Variants in WDR5 observed in about 807,000 individuals in gnomAD.
The protein encoded by WDR5 is WD repeat-containing protein 5.
For synonymous variants in WDR5, 144 were observed against 161.6 expected (o/e 0.89, Z 0.83); for missense variants, 187 against 416.9 (o/e 0.45, Z 4.80).
intron 9 of WDR5, 37 bp downstream of exon 9, chr9:134,152,066 G>A: frequency 6.2e-7 from 1 of 1,609,336 alleles, no homozygotes; most frequent in Non-Finnish European, 8.5e-7. Context: ...GGTCTGTGGG[G>A]AGGGCCTCCC....
At chr9:134,152,059 C>G in intron 9 of WDR5, 30 bp downstream of exon 9, 2 of 1,611,386 alleles carry the variant, frequency 1.2e-6, no homozygotes, top group Non-Finnish European at 1.7e-6. Flanking sequence ...GGGGCTGGGT[C>G]TGTGGGGAGG....
intron 1 of WDR5, among the ~76,000 whole-genome samples, chr9:134,138,055 A>G (rs1424391261): frequency 1.3e-5 from 2 of 152,176 alleles, no homozygotes; most frequent in African/African-American, 2.4e-5. Flanking sequence ...ATATTCTTAA[A>G]AGTCAAGTTA....
At chr9:134,136,539 C>T (rs1434807926) in intron 1 of WDR5, among the ~76,000 whole-genome samples, 3 of 152,174 alleles carry the variant, frequency 2.0e-5, no homozygotes, top group Non-Finnish European at 4.4e-5. Flanking sequence ...CCCTCCACTG[C>T]CCCTTCAGGG....
chr9:134,142,773 T>G (rs545637075), intron 7 of WDR5, 54 bp downstream of exon 7: 1 of 1,576,658 alleles, frequency 6.3e-7, no homozygotes, highest in African/African-American at 1.3e-5. Flanking sequence ...TTCTCTGACA[T>G]CGGATGTGGC....
At chr9:134,153,290 G>A (rs575941910) in intron 9 of WDR5, among the ~76,000 whole-genome samples, 4 of 152,324 alleles carry the variant, frequency 2.6e-5, no homozygotes, top group African/African-American at 7.2e-5. Context: ...CAGGTGCAGG[G>A]ACTGGGATTC....
intron 7 of WDR5, among the ~76,000 whole-genome samples, chr9:134,144,199 C>G (rs994866247): frequency 6.6e-6 from 1 of 152,258 alleles, no homozygotes; most frequent in Non-Finnish European, 1.5e-5. Context: ...CCACAAGACC[C>G]TCGCGGGCCC....
At chr9:134,140,018 G>C (rs1831798230) in intron 2 of WDR5, 60 bp downstream of exon 2, 1 of 1,585,186 alleles carries the variant, frequency 6.3e-7, no homozygotes, top group Non-Finnish European at 8.7e-7. Flanking sequence ...GAGAGTCTCG[G>C]AAACATCTCA....
At chr9:134,146,490 T>G (rs1238707573) in intron 7 of WDR5, among the ~76,000 whole-genome samples, 1 of 152,156 alleles carries the variant, frequency 6.6e-6, no homozygotes, top group Non-Finnish European at 1.5e-5. Flanking sequence ...CCCACCTTGA[T>G]TTCCTAAAAT....
intron 11 of WDR5, 111 bp downstream of exon 11, chr9:134,155,484 T>C (rs1301054901): frequency 1.4e-6 from 2 of 1,442,592 alleles, no homozygotes; most frequent in Non-Finnish European, 1.9e-6. Context: ...CAGAGAGCCA[T>C]CTCCGCTGGG....
intron 8 of WDR5, among the ~76,000 whole-genome samples, chr9:134,150,331 G>A (rs1027672344): frequency 1.3e-5 from 2 of 152,216 alleles, no homozygotes; most frequent in Admixed American, 1.3e-4. Context: ...GATTAAAGGC[G>A]TTAAATGTCT....
chr9:134,154,591 G>A, intron 10 of WDR5, 50 bp downstream of exon 10: 4 of 1,592,274 alleles, frequency 2.5e-6, no homozygotes, highest in Non-Finnish European at 3.4e-6. Flanking sequence ...TCCCCAGCCA[G>A]AGACACCTGC....
At chr9:134,155,424 G>C (rs371767302) in intron 11 of WDR5, 51 bp downstream of exon 11, 23 of 1,559,720 alleles carry the variant, frequency 1.5e-5, no homozygotes, top group Non-Finnish European at 2.0e-5. Context: ...CTGGGTCATG[G>C]CCTCTGGTGG....
Position 134,152,552 on chromosome 9 carries a change from G to A in WDR5, c.631+523G>A, listed in dbSNP as rs770416947. On this transcript the variant is annotated intron_variant, in intron 9 of 13. Transcript: ENST00000358625. ...GCCTGAGGGTCTGTGACGGCCCGGG[G>A]TTCCCAGCTGCCCCTTGCAGAGCCT... Among the ~76,000 whole-genome samples the A allele has an allele frequency of 2.6e-5, 4 of 152,228 alleles. No individual in the cohort carries two copies. The East Asian group carries it at 7.7e-4, about 29-fold the overall frequency.
chr9:134,148,289 T>C lies in WDR5; in HGVS notation c.530T>C (p.Val177Ala). The C allele has an allele frequency of 6.2e-7, 1 of 1,603,806 alleles. No individual in the cohort carries two copies. The highest frequency in any genetic ancestry group is 8.5e-7 in the Non-Finnish European group (1 of 1,174,436). The change falls in exon 8 of 14, where the codon GTT (valine) becomes GCT (alanine). Residue 177 changes from valine (V) to alanine (A), a missense_variant and splice_region_variant. Coordinates refer to ENST00000358625, the MANE Select transcript of WDR5 (RefSeq NM_017588.3). ...CTTCTTCCTCTCCTTAATTCCTAGGTTCATTTTAATCGTGATGGATCCTTG... is the reference window on the plus strand; with the variant it reads ...CTTCTTCCTCTCCTTAATTCCTAGGCTCATTTTAATCGTGATGGATCCTTG... ...LPAHSDPVSA[V>A]HFNRDGSLIV...
chr9:134,158,028 A>C lies in WDR5; in HGVS notation c.*35A>C. On this transcript the variant is annotated 3_prime_UTR_variant, in exon 14 of 14. Coordinates refer to ENST00000358625, the MANE Select transcript of WDR5 (RefSeq NM_017588.3). ...CTCCTGCCCGCGAGAGACTGTCGGG[A>C]AGTTGACCCGGATTGGCAAGAAACA... is the stretch of plus-strand genomic sequence containing the variant. 1 of 1,600,604 alleles carries C rather than the reference A, an allele frequency of 6.2e-7. No individual in the cohort carries two copies. Among genetic ancestry groups the C allele is most frequent in the Non-Finnish European group, 8.6e-7 (1 of 1,168,094 alleles).
chr9:134,154,381 G>A (rs372250782), intron 9 of WDR5, 85 bp from the exon 10 acceptor site: 24 of 1,400,574 alleles, frequency 1.7e-5, no homozygotes, highest in East Asian at 1.6e-4. Context: ...GATGTCGCAC[G>A]TGGGGGATGG....
intron 7 of WDR5, among the ~76,000 whole-genome samples, chr9:134,147,783 A>T (rs1304047210): frequency 6.6e-6 from 1 of 152,028 alleles, no homozygotes; most frequent in Non-Finnish European, 1.5e-5. Flanking sequence ...ACTTCGGAAG[A>T]CCAAGGTGGG....
intron 5 of WDR5, 60 bp from the exon 6 acceptor site, chr9:134,142,273 C>G: frequency 6.5e-7 from 1 of 1,543,462 alleles, no homozygotes; most frequent in East Asian, 2.3e-5. Flanking sequence ...ATGAATGTGA[C>G]CTGACTCTTA....
chr9:134,145,096 G>GTTGTTT (rs1554726635), intron 7 of WDR5, among the ~76,000 whole-genome samples: 1 of 104,664 alleles, frequency 9.6e-6, no homozygotes, highest in African/African-American at 3.4e-5. Flanking sequence ...GTGGGGCTTT[G>GTTGTTT]TTTTTTTTTT....
Sources: gnomAD v4.1 joint callset for allele counts (sites outside exome capture counted in the v4.1 genomes callset) on GRCh38, gnomAD v4.1.1 for gene constraint, MANE v1.5 for transcripts, NCBI Gene and HGNC (gene_info 2026-07-23, HGNC 2026-07-21) for gene names.